TMEM123: variants seen among roughly 807,000 people sequenced by gnomAD.
The protein encoded by TMEM123 is transmembrane protein 123, also known as porimin.
A neutral mutation model predicts 19.7 loss-of-function variants in TMEM123; 16 were observed. The ratio of observed to expected loss-of-function variants is 0.81; its 90% CI spans 0.55 to 1.23. The LOEUF is 1.23. Ranked by LOEUF, TMEM123 falls within the 50% of genes most tolerant of loss-of-function variation. TMEM123 has a pLI of 0.00. For missense variants in TMEM123, 313 were observed against 257.8 expected, an observed-to-expected ratio of 1.21 and a Z score of -1.47; for synonymous variants, 118 against 99.4, an observed-to-expected ratio of 1.19 and a Z score of -1.12.
chr11:102,452,575 G>T lies in TMEM123; in HGVS notation c.49C>A (p.Leu17Met). ...GCCCCCAGCAGCGCTAGCACCTGCA[G>T]CGTCCCCAGGAGCAGCGCGGCCCAA... ...GAWAALLLGT[L>M]QVLALLGAAH... Residue 17 changes from leucine to methionine, a missense_variant, in exon 1 of 5, where the codon CTG becomes ATG. Leu to Met is a conservative substitution (Grantham distance 15). Transcript: ENST00000398136. 1 of 1,573,430 alleles carries T rather than the reference G, an allele frequency of 6.4e-7. No individual in the cohort carries two copies. Among genetic ancestry groups the T allele is most frequent in the Non-Finnish European group, 8.6e-7 (1 of 1,164,108 alleles).
intron 2 of TMEM123, 25 bp downstream of exon 2, chr11:102,448,787 G>GT (rs1441437781): frequency 6.2e-6 from 10 of 1,609,266 alleles, no homozygotes; most frequent in Non-Finnish European, 8.5e-6. Context: ...ATGAAAATTT[G>GT]TTTTTTTAAT....
intron 2 of TMEM123, among the ~76,000 whole-genome samples, chr11:102,402,577 G>C (rs1011427027): frequency 6.6e-6 from 1 of 152,118 alleles, no homozygotes; most frequent in Admixed American, 6.5e-5. Context: ...TTGAATGGAT[G>C]GATAAACTAA....
chr11:102,430,153 T>G (rs980206520), intron 2 of TMEM123, among the ~76,000 whole-genome samples: 6 of 152,178 alleles, frequency 3.9e-5, no homozygotes, highest in African/African-American at 1.4e-4. Context: ...AAGACAACTG[T>G]GGCAATTCTC....
intron 2 of TMEM123, among the ~76,000 whole-genome samples, chr11:102,404,183 C>T (rs1458551577): frequency 6.6e-6 from 1 of 152,044 alleles, no homozygotes; most frequent in Non-Finnish European, 1.5e-5. Context: ...GGTTCCTTGC[C>T]CCGCCACTGT....
chr11:102,402,478 T>C (rs1301122983), intron 2 of TMEM123, among the ~76,000 whole-genome samples: 2 of 151,802 alleles, frequency 1.3e-5, no homozygotes, highest in African/African-American at 4.8e-5. Context: ...AAGACAGAGT[T>C]CCCTCAGTGC....
At chr11:102,411,075 C>A (rs1245624815) in intron 2 of TMEM123, among the ~76,000 whole-genome samples, 1 of 152,116 alleles carries the variant, frequency 6.6e-6, no homozygotes, top group Non-Finnish European at 1.5e-5. Flanking sequence ...AGGACCCCCC[C>A]TTTTGCTCAA....
At chr11:102,438,543 T>C (rs1311705082) in intron 2 of TMEM123, among the ~76,000 whole-genome samples, 2 of 152,210 alleles carry the variant, frequency 1.3e-5, no homozygotes, top group African/African-American at 2.4e-5. Context: ...ACTGAGTAAG[T>C]GAGCATAATA....
At chr11:102,415,530 G>C (rs781216837) in intron 2 of TMEM123, among the ~76,000 whole-genome samples, 1 of 152,006 alleles carries the variant, frequency 6.6e-6, no homozygotes, top group African/African-American at 2.4e-5. Context: ...ATCAGTACCA[G>C]GAAGATCTCT....
At chr11:102,400,953 T>C (rs1051450097) in intron 4 of TMEM123, among the ~76,000 whole-genome samples, 3 of 152,174 alleles carry the variant, frequency 2.0e-5, no homozygotes, top group African/African-American at 7.2e-5. Flanking sequence ...TTTGGATATA[T>C]CCTCAAACCA....
At chr11:102,416,278 AAAAG>A (rs766723933) in intron 2 of TMEM123, among the ~76,000 whole-genome samples, 3 of 152,316 alleles carry the variant, frequency 2.0e-5, no homozygotes, top group East Asian at 3.9e-4. Flanking sequence ...TAATAAAGAA[AAAAG>A]AGAGAAGAGC....
In TMEM123 at chr11:102,396,377, A is replaced by G. The variant is rs535281753; in HGVS notation, c.*2490T>C. The G allele has an allele frequency of 2.0e-5, 3 of 152,256 alleles. No homozygotes were observed. The highest frequency in any genetic ancestry group is 4.4e-5 in the Non-Finnish European group (3 of 68,034). 9.4% of individuals were successfully genotyped at this position (152,256 alleles called of 1,614,324 possible). On this transcript the variant is annotated 3_prime_UTR_variant, in exon 5 of 5. Coordinates refer to ENST00000398136, the MANE Select transcript of TMEM123 (RefSeq NM_052932.3). The stretch of plus-strand genomic sequence containing the variant: ...TATTCTAAAAATAGAACTTGGTAAC[A>G]ATGAAATACCAAAAGCTGGTCATTA...
chr11:102,400,320 T>C (rs539177790), intron 4 of TMEM123, among the ~76,000 whole-genome samples: 13 of 152,324 alleles, frequency 8.5e-5, no homozygotes, highest in Admixed American at 2.6e-4. Flanking sequence ...GGTTAAAAAT[T>C]TGGGAAACAG....
At chr11:102,433,704 G>C (rs1364562264) in intron 2 of TMEM123, among the ~76,000 whole-genome samples, 2 of 151,808 alleles carry the variant, frequency 1.3e-5, no homozygotes, top group Non-Finnish European at 2.9e-5. Context: ...ATTTCATCTT[G>C]AATTGTAATC....
intron 2 of TMEM123, among the ~76,000 whole-genome samples, chr11:102,425,860 T>C (rs910714351): frequency 2.2e-4 from 34 of 152,130 alleles, no homozygotes; most frequent in African/African-American, 8.0e-4. Flanking sequence ...GCATGAGCCA[T>C]TGTGCCCGGC....
At chr11:102,403,563 T>C (rs1376333531) in intron 2 of TMEM123, among the ~76,000 whole-genome samples, 1 of 152,250 alleles carries the variant, frequency 6.6e-6, no homozygotes, top group Non-Finnish European at 1.5e-5. Context: ...ATTTCTGTAT[T>C]CATTTCCTGT....
chr11:102,445,135 C>T (rs764287238), intron 2 of TMEM123, among the ~76,000 whole-genome samples: 2 of 152,108 alleles, frequency 1.3e-5, no homozygotes, highest in Non-Finnish European at 2.9e-5. Flanking sequence ...CAAATCTGCA[C>T]GTTGTGCACA....
chr11:102,404,229 C>T (rs1951934985), intron 2 of TMEM123, among the ~76,000 whole-genome samples: 2 of 152,140 alleles, frequency 1.3e-5, no homozygotes, highest in Admixed American at 1.3e-4. Context: ...ATATATTATC[C>T]TATCTTCCAC....
intron 4 of TMEM123, among the ~76,000 whole-genome samples, chr11:102,399,734 C>T (rs1951894061): frequency 6.6e-6 from 1 of 152,084 alleles, no homozygotes; most frequent in South Asian, 2.1e-4. Flanking sequence ...CTTTGGGAGG[C>T]CAAGGTGGGA....
intron 2 of TMEM123, among the ~76,000 whole-genome samples, chr11:102,423,592 T>G (rs1213826002): frequency 1.3e-5 from 2 of 152,228 alleles, no homozygotes; most frequent in African/African-American, 4.8e-5. Context: ...CCAGCTAAGC[T>G]ACTTCTAAAC....
Sources: gnomAD v4.1 joint callset for allele counts (sites outside exome capture counted in the v4.1 genomes callset) on GRCh38, gnomAD v4.1.1 for gene constraint, MANE v1.5 for transcripts, NCBI Gene and HGNC (gene_info 2026-07-23, HGNC 2026-07-21) for gene names.